FAM20A: variants seen among roughly 807,000 people sequenced by gnomAD.
FAM20A encodes pseudokinase FAM20A.
FAM20A carries 42 observed loss-of-function variants against 52.0 expected under a neutral mutation model. The ratio of observed to expected loss-of-function variants is 0.81; its 90% CI spans 0.63 to 1.04. FAM20A has a LOEUF of 1.04. Ranked by LOEUF, FAM20A falls within the 50% of genes least tolerant of loss-of-function variation. The pLI, the probability that FAM20A is intolerant of heterozygous loss-of-function variation, is 0.00. For missense variants in FAM20A, 742 were observed against 712.7 expected, an observed-to-expected ratio of 1.04 and a Z score of -0.47; for synonymous variants, 304 against 298.9, an observed-to-expected ratio of 1.02 and a Z score of -0.18.
In FAM20A at chr17:68,601,182, G is replaced by C. The variant is rs1271270497; in HGVS notation, c.-516C>G. 1 of 152,892 alleles carries C rather than the reference G, an allele frequency of 6.5e-6. No individual in the cohort carries two copies. Among genetic ancestry groups the C allele is most frequent in the Non-Finnish European group, 1.5e-5 (1 of 68,660 alleles). The allele number at this position is 152,892 out of a possible 1,614,324, so 9.5% of individuals were successfully genotyped here. A position where few individuals can be genotyped will look rare whatever the true frequency, so the allele number is the denominator to read the frequency against. On this transcript the variant is annotated 5_prime_UTR_variant, in exon 1 of 11. Coordinates refer to ENST00000592554, the MANE Select transcript of FAM20A (RefSeq NM_017565.4). ...TCCTGCGGGCGGCGGAGACGCCAGT[G>C]CCGGCGGCTGGCACGGGCGGCGCGA...
chr17:68,564,940 G>T (rs2087333762), intron 1 of FAM20A, among the ~76,000 whole-genome samples: 1 of 152,146 alleles, frequency 6.6e-6, no homozygotes, highest in Non-Finnish European at 1.5e-5. Context: ...GATTTGGAAG[G>T]TTCTCAGAAG....
At chr17:68,539,646 C>T (rs1014888015) in intron 9 of FAM20A, among the ~76,000 whole-genome samples, 1 of 152,232 alleles carries the variant, frequency 6.6e-6, no homozygotes, top group African/African-American at 2.4e-5. Context: ...ACCTTGCTCT[C>T]GAAAACCTCA....
At chr17:68,544,192 A>G (rs1415946091) in intron 4 of FAM20A, among the ~76,000 whole-genome samples, 1 of 152,070 alleles carries the variant, frequency 6.6e-6, no homozygotes, top group Non-Finnish European at 1.5e-5. Context: ...GCTGGGGTTG[A>G]AGAACAGAAA....
rs979763959 is a variant in FAM20A, at chr17:68,601,326, C to T, written c.-660G>A. 1 of 152,674 alleles carries T rather than the reference C, an allele frequency of 6.5e-6. No homozygotes were observed. Among genetic ancestry groups the T allele is most frequent in the Non-Finnish European group, 1.5e-5 (1 of 68,470 alleles). 9.5% of individuals were successfully genotyped at this position (152,674 alleles called of 1,614,324 possible). ...GGCCTGGCGCCGGCACCCCCACCCA[C>T]TCTCCGCTGGCACCTGCCTCTGGCG... On this transcript the variant is annotated 5_prime_UTR_variant, in exon 1 of 11. It adds an upstream start codon to the 5' untranslated region. Coordinates refer to ENST00000592554, the MANE Select transcript of FAM20A (RefSeq NM_017565.4).
chr17:68,541,151 T>C (rs2086272564), intron 7 of FAM20A, 193 bp from the exon 8 acceptor site: 4 of 733,708 alleles, frequency 5.5e-6, no homozygotes, highest in South Asian at 1.8e-5. Context: ...GAGAAGGTCC[T>C]GGGTCCTTTA....
chr17:68,548,765 C>T (rs2086691568), intron 4 of FAM20A, among the ~76,000 whole-genome samples: 1 of 141,608 alleles, frequency 7.1e-6, no homozygotes, highest in Non-Finnish European at 1.5e-5. Context: ...CAGAATCTCC[C>T]TCTGTCGCCT....
In FAM20A at chr17:68,555,703, G is replaced by A; in HGVS notation, c.445C>T (p.Leu149=). Residue 149 remains leucine, a synonymous_variant, in exon 2 of 11, where the codon CTG becomes TTG. Transcript: ENST00000592554. Reference sequence around the variant, plus strand: ...AGTCGGAGCTGCAGTGGGGGGTCCAGGGAGGTAAGGTTCATCTGCTCTCTG... The same window carrying A: ...AGTCGGAGCTGCAGTGGGGGGTCCAAGGAGGTAAGGTTCATCTGCTCTCTG... ...MYREQMNLTS[L]DPPLQLRLEA... 1 of 1,614,016 alleles carries A rather than the reference G, an allele frequency of 6.2e-7. No individual in the cohort carries two copies. Among genetic ancestry groups the A allele is most frequent in the Non-Finnish European group, 8.5e-7 (1 of 1,180,036 alleles).
At chr17:68,580,345 T>C (rs2087907050) in intron 1 of FAM20A, among the ~76,000 whole-genome samples, 1 of 152,254 alleles carries the variant, frequency 6.6e-6, no homozygotes. Flanking sequence ...TACTGAGATT[T>C]TTGCGAAATG....
intron 1 of FAM20A, among the ~76,000 whole-genome samples, chr17:68,571,987 C>CATATATATAT (rs57442973): frequency 1.1e-3 from 46 of 43,718 alleles, no homozygotes; most frequent in Non-Finnish European, 1.9e-3. Context: ...TATATACATA[C>CATATATATAT]ATATATATAT....
intron 1 of FAM20A, among the ~76,000 whole-genome samples, chr17:68,567,150 G>C (rs2087399239): frequency 1.3e-5 from 2 of 151,828 alleles, no homozygotes; most frequent in South Asian, 4.1e-4. Flanking sequence ...GCTCATATCT[G>C]TAAAGGACAA....
At chr17:68,551,777 G>C in intron 4 of FAM20A, 96 bp downstream of exon 4, 1 of 783,346 alleles carries the variant, frequency 1.3e-6, no homozygotes, top group Non-Finnish European at 2.2e-6. Flanking sequence ...CTGAATAACT[G>C]GCAGAAAGAC....
In FAM20A at chr17:68,541,982, C is replaced by CA; in HGVS notation, c.1109+2dup. Reference sequence around the variant, plus strand: ...GGGCTGTGTGGCCTGGGGACCAACTCACTCCTCTTTTCCTGCCAGTGTGTA... The same window carrying CA: ...GGGCTGTGTGGCCTGGGGACCAACTCAACTCCTCTTTTCCTGCCAGTGTGTA... On this transcript the variant is annotated splice_region_variant and intron_variant, in intron 7 of 10. Transcript: ENST00000592554. 1.9e-6 allele frequency: 3 copies of CA among 1,612,610 alleles called. No individual in the cohort carries two copies. Among genetic ancestry groups the CA allele is most frequent in the Non-Finnish European group, 2.5e-6 (3 of 1,179,086 alleles).
chr17:68,541,274 A>G (rs2086279578), intron 7 of FAM20A: 1 of 386,700 alleles, frequency 2.6e-6, no homozygotes, highest in Non-Finnish European at 4.9e-6. Context: ...GTCCCTCCAC[A>G]GTCCCTCTCA....
Position 68,575,502 on chromosome 17 carries a change from G to GATATATATTTTAT in FAM20A, c.405-19760_405-19759insATAAAATATATAT, listed in dbSNP as rs1468461522. 2.2e-3 allele frequency among the ~76,000 whole-genome samples: 190 copies of GATATATATTTTAT among 87,194 alleles called. 1 individual carries two copies. The highest frequency in any genetic ancestry group is 7.7e-3 in the African/African-American group (163 of 21,206). 57.2% of individuals were successfully genotyped at this position (87,194 alleles called of 152,430 possible). ...TATATATTATATATTATAGATATTA[G>GATATATATTTTAT]ATATTATATATTTTATATATTATAT... is the stretch of plus-strand genomic sequence containing the variant. On this transcript the variant is annotated intron_variant, in intron 1 of 10. Coordinates refer to ENST00000592554, the MANE Select transcript of FAM20A (RefSeq NM_017565.4).
At chr17:68,580,566 G>A (rs2087914185) in intron 1 of FAM20A, among the ~76,000 whole-genome samples, 1 of 152,234 alleles carries the variant, frequency 6.6e-6, no homozygotes, top group African/African-American at 2.4e-5. Context: ...CCAGAGAGGG[G>A]CATGGGGCTT....
At chr17:68,579,894 G>A (rs1370803277) in intron 1 of FAM20A, among the ~76,000 whole-genome samples, 5 of 152,212 alleles carry the variant, frequency 3.3e-5, no homozygotes, top group Admixed American at 3.3e-4. Context: ...ACTGCTGGGG[G>A]CTGGAACACA....
chr17:68,546,817 G>A (rs114484262), intron 4 of FAM20A, among the ~76,000 whole-genome samples: 2,141 of 136,926 alleles, frequency 0.016, 55 homozygotes, highest in African/African-American at 0.054. Context: ...GCGAGAGTGC[G>A]AGACTACGGC....
At chr17:68,552,516 T>G (rs2086881770) in intron 3 of FAM20A, among the ~76,000 whole-genome samples, 1 of 152,056 alleles carries the variant, frequency 6.6e-6, no homozygotes, top group South Asian at 2.1e-4. Flanking sequence ...TCCTTAAATT[T>G]TGCATCCTGG....
Position 68,536,131 on chromosome 17 carries a change from C to G in FAM20A, c.*1346G>C, listed in dbSNP as rs2143430446. On this transcript the variant is annotated 3_prime_UTR_variant, in exon 11 of 11. Coordinates refer to ENST00000592554, the MANE Select transcript of FAM20A (RefSeq NM_017565.4). ...CAGTCATGTGGGGGTACCACGGGGT[C>G]AGAAGTGTTATTTGTCCAGTCGAGG... 1 of 454,080 alleles carries G rather than the reference C, an allele frequency of 2.2e-6. No homozygotes were observed. Among genetic ancestry groups the G allele is most frequent in the East Asian group, 6.9e-5 (1 of 14,390 alleles). The allele number at this position is 454,080 out of a possible 1,614,324, so 28.1% of individuals were successfully genotyped here.
Sources: gnomAD v4.1 joint callset for allele counts (sites outside exome capture counted in the v4.1 genomes callset) on GRCh38, gnomAD v4.1.1 for gene constraint, MANE v1.5 for transcripts, NCBI Gene and HGNC (gene_info 2026-07-23, HGNC 2026-07-21) for gene names.